SRRM2: variants seen among roughly 807,000 people sequenced by gnomAD.
SRRM2 encodes serine/arginine repetitive matrix protein 2.
SRRM2 carries 30 observed loss-of-function variants against 213.8 expected under a neutral mutation model. That is an observed-to-expected ratio of 0.14 (90% CI 0.10 to 0.19). SRRM2 has a LOEUF of 0.19. Among genes scored for constraint, SRRM2 ranks in the 10% least tolerant of loss-of-function variants. SRRM2 has a pLI of 1.00. For missense variants in SRRM2, 4,904 were observed against 3,647.0 expected (o/e 1.34, Z -8.88); for synonymous variants, 2,025 against 1,377.7 (o/e 1.47, Z -10.40).
Position 2,759,182 on chromosome 16 carries a change from C to T in SRRM2, c.689+10C>T. The T allele has an allele frequency of 1.2e-6, 2 of 1,613,984 alleles. No individual in the cohort carries two copies. The highest frequency in any genetic ancestry group is 2.2e-5 in the East Asian group (1 of 44,894). On this transcript the variant is annotated intron_variant, in intron 7 of 14. Transcript: ENST00000301740. The stretch of plus-strand genomic sequence containing the variant: ...AGAAACGTAAGCATAGGTAAGAGCT[C>T]TTTAACTCATAGGGGGCGCAGTGGC...
rs1247173128 is a variant in SRRM2 at position 2,767,340 on chromosome 16, C to T, written c.6812C>T (p.Ala2271Val). ...TPAAAAAMNL[A>V]SPRTAVAPSA... ...GCTGCAGCAGCGGCCATGAACTTGG[C>T]CAGCCCCAGAACAGCGGTGGCACCT... The change falls in exon 11 of 15, where the codon GCC (alanine) becomes GTC (valine). Residue 2271 changes from alanine to valine, a missense_variant. Physicochemically the swap from Ala to Val is moderately conservative, Grantham distance 64. Transcript: ENST00000301740. 6.2e-7 allele frequency: 1 copy of T among 1,613,838 alleles called. No individual in the cohort carries two copies. Among genetic ancestry groups the T allele is most frequent in the South Asian group, 1.1e-5 (1 of 91,082 alleles).
chr16:2,755,852 A>G (rs1200767831), intron 1 of SRRM2, among the ~76,000 whole-genome samples: 1 of 152,088 alleles, frequency 6.6e-6, no homozygotes, highest in Non-Finnish European at 1.5e-5. Flanking sequence ...TTGGACATGG[A>G]CTAGAGGCCG....
At position 2,757,765 on chromosome 16, in the gene SRRM2, C is replaced by CCCTTCTTTTCTCTAGGGTCA; in HGVS notation, c.351-14_356dup. ...CCTTTATATTTCCTTCAGACTTTTG[C>CCCTTCTTTTCTCTAGGGTCA]CCTTCTTTTCTCTAGGGTCACGGAG... On this transcript the variant is annotated splice_polypyrimidine_tract_variant and intron_variant, in intron 3 of 14. Coordinates refer to ENST00000301740, the MANE Select transcript of SRRM2 (RefSeq NM_016333.4). 1 of 1,611,784 alleles carries CCCTTCTTTTCTCTAGGGTCA rather than the reference C, an allele frequency of 6.2e-7. No individual in the cohort carries two copies. The highest frequency in any genetic ancestry group is 8.5e-7 in the Non-Finnish European group (1 of 1,178,694).
chr16:2,768,196 T>G lies in SRRM2; in HGVS notation c.7668T>G (p.Ser2556=), dbSNP rs766809882. Residue 2556 remains serine (S), a synonymous_variant, in exon 11 of 15, where the codon TCT becomes TCG. Coordinates refer to ENST00000301740, the MANE Select transcript of SRRM2 (RefSeq NM_016333.4). The part of the protein sequence containing the change: ...SSSSSSSSSS[S]GSSSSDSEGS... ...CGTCGTCGTCGTCCTCCTCCTCCTC[T>G]GGCTCCAGTTCTAGTGACTCAGAGG... is the stretch of plus-strand genomic sequence containing the variant. The G allele has an allele frequency of 6.2e-7, 1 of 1,607,912 alleles. No homozygotes were observed. Among genetic ancestry groups the G allele is most frequent in the South Asian group, 1.1e-5 (1 of 90,006 alleles).
rs750444966 is a variant in SRRM2, at chr16:2,763,261, G to T, written c.2733G>T (p.Arg911Ser). 1 of 1,613,958 alleles carries T rather than the reference G, an allele frequency of 6.2e-7. No homozygotes were observed. ...SSTPPRQSPSRSSSPQPKVKA... is the reference protein window; with the variant it reads ...SSTPPRQSPSSSSSPQPKVKA... ...CACCTCCCAGACAGAGCCCATCTAGGTCATCATCTCCACAACCCAAAGTGA... is the reference window on the plus strand; with the variant it reads ...CACCTCCCAGACAGAGCCCATCTAGTTCATCATCTCCACAACCCAAAGTGA... The change falls in exon 11 of 15, where the codon AGG becomes AGT. Residue 911 changes from arginine (R) to serine (S), a missense_variant. Transcript: ENST00000301740.
intron 2 of SRRM2, 34 bp from the exon 3 acceptor site, chr16:2,757,438 G>T (rs775134019): frequency 1.9e-6 from 3 of 1,598,076 alleles, no homozygotes; most frequent in East Asian, 4.5e-5. Flanking sequence ...AAAGTGTCCT[G>T]TCGAGCTTAA....
chr16:2,761,450 A>C, intron 10 of SRRM2, 111 bp from the exon 11 acceptor site: 3 of 845,264 alleles, frequency 3.5e-6, no homozygotes, highest in Non-Finnish European at 5.2e-6. Flanking sequence ...GCTTGTGGTC[A>C]GAGGGTGTGT....
At chr16:2,760,622 T>G (rs2285879) in intron 10 of SRRM2, 123 bp downstream of exon 10, 678,834 of 1,117,564 alleles carry the variant, frequency 0.61, 218,998 homozygotes, top group Admixed American at 0.72. Context: ...TTTTCCTGCA[T>G]TTCTCTCCTA....
In SRRM2 at chr16:2,759,052, G is replaced by A; in HGVS notation, c.656+5G>A. On this transcript the variant is annotated splice_donor_5th_base_variant and intron_variant, in intron 6 of 14. Transcript: ENST00000301740. ...CTCAAAGAAGAAGAAGCACAGGTAT[G>A]AGGTGGGAATACTTGAATGACTGGA... The A allele has an allele frequency of 6.2e-7, 1 of 1,614,240 alleles. No homozygotes were observed. Among genetic ancestry groups the A allele is most frequent in the Non-Finnish European group, 8.5e-7 (1 of 1,180,040 alleles).
chr16:2,757,591 G>A lies in SRRM2; in HGVS notation c.350+12G>A, dbSNP rs1358487495. 2.5e-6 allele frequency: 4 copies of A among 1,610,142 alleles called. No homozygotes were observed. Among genetic ancestry groups the A allele is most frequent in the Admixed American group, 1.7e-5 (1 of 59,680 alleles). ...GGGCAGAGGCCAGCGTGAGTGTTGC[G>A]CTCTCCCTCGATGACTCTGGACTCT... On this transcript the variant is annotated intron_variant, in intron 3 of 14. Coordinates refer to ENST00000301740, the MANE Select transcript of SRRM2 (RefSeq NM_016333.4).
intron 2 of SRRM2, among the ~76,000 whole-genome samples, chr16:2,757,032 G>A (rs1369515377): frequency 1.3e-5 from 2 of 152,158 alleles, no homozygotes; most frequent in Non-Finnish European, 2.9e-5. Flanking sequence ...AGAAGAATAC[G>A]TGAAGAAGTG....
In SRRM2 at chr16:2,763,172, A is replaced by G; in HGVS notation, c.2644A>G (p.Lys882Glu). 3.1e-6 allele frequency: 5 copies of G among 1,614,078 alleles called. No homozygotes were observed. Among genetic ancestry groups the G allele is most frequent in the Non-Finnish European group, 4.2e-6 (5 of 1,180,020 alleles). Residue 882 changes from lysine (K) to glutamate (E), a missense_variant, in exon 11 of 15, where the codon AAA becomes GAA. Coordinates refer to ENST00000301740, the MANE Select transcript of SRRM2 (RefSeq NM_016333.4). ...CFESSPDPEL[K>E]SRTPSRHSCS... ...TGAATCATCACCTGACCCTGAGTTG[A>G]AATCTAGGACCCCTTCTAGACATAG... is the stretch of plus-strand genomic sequence containing the variant.
rs1425580973 is a variant in SRRM2, at chr16:2,765,427, C to G, written c.4899C>G (p.Pro1633=). ...EPKAPAPRAL[P]RRSRSGSSSK... ...AAGCTCCAGCCCCTCGGGCCCTTCC[C>G]AGACGAAGCAGATCAGGTTCATCAA... Residue 1633 remains proline, a synonymous_variant, in exon 11 of 15, where the codon CCC becomes CCG. Coordinates refer to ENST00000301740, the MANE Select transcript of SRRM2 (RefSeq NM_016333.4). 4 of 1,614,148 alleles carry G rather than the reference C, an allele frequency of 2.5e-6. No homozygotes were observed. The highest frequency in any genetic ancestry group is 1.3e-5 in the African/African-American group (1 of 75,048).
At position 2,765,824 on chromosome 16, in the gene SRRM2, A is replaced by G. The variant is rs2068521142; in HGVS notation, c.5296A>G (p.Lys1766Glu). The G allele has an allele frequency of 1.9e-6, 3 of 1,613,964 alleles. No individual in the cohort carries two copies. The highest frequency in any genetic ancestry group is 2.2e-5 in the East Asian group (1 of 44,868). ...TSRRGRSPSP[K>E]PRGLQRSRSR... ...AAGGAGAGGCCGCTCTCCTTCGCCAAAGCCTCGTGGACTCCAGAGGTCCCG... is the reference window on the plus strand; with the variant it reads ...AAGGAGAGGCCGCTCTCCTTCGCCAGAGCCTCGTGGACTCCAGAGGTCCCG... The change falls in exon 11 of 15, where the codon AAG becomes GAG. Residue 1766 changes from lysine to glutamate, a missense_variant. Transcript: ENST00000301740.
In SRRM2 at chr16:2,765,080, G is replaced by A. The variant is rs773030484; in HGVS notation, c.4552G>A (p.Gly1518Arg). ...KCLTPQRERSGSESSVDQKTV... is the reference protein window; with the variant it reads ...KCLTPQRERSRSESSVDQKTV... ...TCTTACCCCCCAGAGAGAAAGAAGC[G>A]GGTCAGAATCATCAGTTGATCAGAA... The change falls in exon 11 of 15, where the codon GGG becomes AGG. Residue 1518 changes from glycine to arginine, a missense_variant. Gly to Arg is a moderately radical substitution (Grantham distance 125). Transcript: ENST00000301740. 7 of 1,614,066 alleles carry A rather than the reference G, an allele frequency of 4.3e-6. No homozygotes were observed. Among genetic ancestry groups the A allele is most frequent in the East Asian group, 2.2e-5 (1 of 44,876 alleles).
intron 5 of SRRM2, 197 bp from the exon 6 acceptor site, chr16:2,758,788 C>A: frequency 1.4e-6 from 1 of 711,240 alleles, no homozygotes. Context: ...TTTTCTTTTT[C>A]ATTTTGAGGT....
chr16:2,767,819 A>G lies in SRRM2; in HGVS notation c.7291A>G (p.Met2431Val). 1 of 1,613,932 alleles carries G rather than the reference A, an allele frequency of 6.2e-7. No individual in the cohort carries two copies. The highest frequency in any genetic ancestry group is 8.5e-7 in the Non-Finnish European group (1 of 1,179,958). The change falls in exon 11 of 15, where the codon ATG (methionine) becomes GTG (valine). Residue 2431 changes from methionine to valine, a missense_variant. Physicochemically the swap from Met to Val is conservative, Grantham distance 21. Coordinates refer to ENST00000301740, the MANE Select transcript of SRRM2 (RefSeq NM_016333.4). ...ACGGGCTCCCTCCCCTTCCTCTAGAATGGGCCAGGCTCCTTCACAGTCTCT... is the reference window on the plus strand; with the variant it reads ...ACGGGCTCCCTCCCCTTCCTCTAGAGTGGGCCAGGCTCCTTCACAGTCTCT... ...SERAPSPSSR[M>V]GQAPSQSLLP...
At position 2,757,655 on chromosome 16, in the gene SRRM2, C is replaced by T. The variant is rs576377341; in HGVS notation, c.350+76C>T. 36 of 1,579,554 alleles carry T rather than the reference C, an allele frequency of 2.3e-5. No homozygotes were observed. The South Asian group carries it at 2.7e-4, about 12-fold the overall frequency. Reference sequence around the variant, plus strand: ...GCTGCTGCTGCTGTCCTTTTCCTTACGTGGGACTTCCTCCCTGCTTTCGTC... The same window carrying T: ...GCTGCTGCTGCTGTCCTTTTCCTTATGTGGGACTTCCTCCCTGCTTTCGTC... On this transcript the variant is annotated intron_variant, in intron 3 of 14. Coordinates refer to ENST00000301740, the MANE Select transcript of SRRM2 (RefSeq NM_016333.4).
chr16:2,764,302 A>G lies in SRRM2; in HGVS notation c.3774A>G (p.Ser1258=), dbSNP rs924826554. Reference sequence around the variant, plus strand: ...GCCAAATCCTGTCTCATTTGTCTTCAGAACTTAAAGAAATGTCCACAAGTA... The same window carrying G: ...GCCAAATCCTGTCTCATTTGTCTTCGGAACTTAAAGAAATGTCCACAAGTA... ...PAGQILSHLS[S]ELKEMSTSNF... Residue 1258 remains serine (S), a synonymous_variant, in exon 11 of 15, where the codon TCA becomes TCG. Transcript: ENST00000301740. 4 of 1,614,176 alleles carry G rather than the reference A, an allele frequency of 2.5e-6. No homozygotes were observed. Among genetic ancestry groups the G allele is most frequent in the African/African-American group, 2.7e-5 (2 of 75,064 alleles).
Sources: gnomAD v4.1 joint callset for allele counts (sites outside exome capture counted in the v4.1 genomes callset) on GRCh38, gnomAD v4.1.1 for gene constraint, MANE v1.5 for transcripts, NCBI Gene and HGNC (gene_info 2026-07-23, HGNC 2026-07-21) for gene names.